Variants in SPEG observed in about 807,000 individuals in gnomAD.
SPEG encodes striated muscle enriched protein kinase.
Under a neutral mutation model 300.4 loss-of-function variants are expected in SPEG, and 114 were observed. The observed-to-expected ratio is 0.38, with a 90% confidence interval of 0.33 to 0.44. The LOEUF (loss-of-function observed/expected upper bound fraction) is 0.44, where lower values mean the gene tolerates loss of function less well. Ranked by LOEUF, SPEG falls within the 20% of genes least tolerant of loss-of-function variation. The pLI is 1.00. For synonymous variants in SPEG, 1,964 were observed against 2,018.9 expected (o/e 0.97, Z 0.73); for missense variants, 4,201 against 4,586.2 (o/e 0.92, Z 2.43).
chr2:219,444,137 C>T lies in SPEG; in HGVS notation c.389-516C>T, dbSNP rs1229930876. 29 of 1,092,292 alleles carry T rather than the reference C, an allele frequency of 2.7e-5. 2 individuals carry two copies. In the South Asian group the frequency reaches 3.6e-4, roughly 14 times the overall value. 67.7% of individuals were successfully genotyped at this position (1,092,292 alleles called of 1,614,324 possible). On this transcript the variant is annotated intron_variant, in intron 1 of 40. Coordinates refer to ENST00000312358, the MANE Select transcript of SPEG (RefSeq NM_005876.5). The surrounding 1 kb of genome is among the most constrained non-coding windows in gnomAD (Gnocchi z 7.8). ...GCCCCGGCCTCTCCTCACCCTGCCT[C>T]AGCTGCACCCGATGCCTTGCAGCTG...
At position 219,443,936 on chromosome 2, in the gene SPEG, C is replaced by CAGTCTTGA; in HGVS notation, c.389-717_389-716insAGTCTTGA. On this transcript the variant is annotated intron_variant, in intron 1 of 40. Coordinates refer to ENST00000312358, the MANE Select transcript of SPEG (RefSeq NM_005876.5). This position sits in a 1 kb window ranked among gnomAD's most constrained non-coding sequence, Gnocchi z 4.6. ...CTCTGGGGACTGGGTGCCTCACGCC[C>CAGTCTTGA]CTTCTGTCTTGACTGCCCTCCATGC... The CAGTCTTGA allele has an allele frequency of 9.1e-7, 1 of 1,094,286 alleles. No individual in the cohort carries two copies. Among genetic ancestry groups the CAGTCTTGA allele is most frequent in the South Asian group, 1.3e-5 (1 of 77,508 alleles). 67.8% of individuals were successfully genotyped at this position (1,094,286 alleles called of 1,614,324 possible). A position where few individuals can be genotyped will look rare whatever the true frequency, so the allele number is the denominator to read the frequency against.
At position 219,451,514 on chromosome 2, in the gene SPEG, G is replaced by A; in HGVS notation, c.2258-111G>A. On this transcript the variant is annotated intron_variant, in intron 5 of 40. Transcript: ENST00000312358. This position sits in a 1 kb window ranked among gnomAD's most constrained non-coding sequence, Gnocchi z 6.4. ...AGGGCGGACTCTTCCAGATTCCCTG[G>A]GGTGCTGAGAGGAGAGGTTTGGTCT... The A allele has an allele frequency of 8.2e-7, 1 of 1,218,528 alleles. No individual in the cohort carries two copies. The highest frequency in any genetic ancestry group is 3.1e-5 in the Admixed American group (1 of 32,536). 75.5% of individuals were successfully genotyped at this position (1,218,528 alleles called of 1,614,324 possible). A position where few individuals can be genotyped will look rare whatever the true frequency, so the allele number is the denominator to read the frequency against.
rs912091744 is a variant in SPEG, at chr2:219,479,397, A to T, written c.5085+196A>T. ...CCCCCATCTATCTGAGACTTGTGCT[A>T]TTCTCTCTAAATCTCAGCAAACCCA... On this transcript the variant is annotated intron_variant, in intron 23 of 40. Coordinates refer to ENST00000312358, the MANE Select transcript of SPEG (RefSeq NM_005876.5). This position sits in a 1 kb window ranked among gnomAD's most constrained non-coding sequence, Gnocchi z 5.5. 2.0e-5 allele frequency among the ~76,000 whole-genome samples: 3 copies of T among 152,120 alleles called. No homozygotes were observed. The highest frequency in any genetic ancestry group is 4.4e-5 in the Non-Finnish European group (3 of 68,036).
intron 9 of SPEG, chr2:219,466,108 C>T (rs1364087437): frequency 4.4e-6 from 7 of 1,591,070 alleles, no homozygotes; most frequent in Non-Finnish European, 4.3e-6. Context: ...CTCCGAGCCG[C>T]GCCCCTGTCT....
At chr2:219,454,222 T>C (rs1041433302) in intron 6 of SPEG, among the ~76,000 whole-genome samples, 1 of 152,190 alleles carries the variant, frequency 6.6e-6, no homozygotes, top group African/African-American at 2.4e-5. Flanking sequence ...AATGGATAAC[T>C]AGAGAATGCG....
At position 219,459,743 on chromosome 2, in the gene SPEG, CGG is replaced by C. The variant is rs1559381376; in HGVS notation, c.2441-2138_2441-2137del. Among the ~76,000 whole-genome samples, 1 of 152,196 alleles carries C rather than the reference CGG, an allele frequency of 6.6e-6. No individual in the cohort carries two copies. Among genetic ancestry groups the C allele is most frequent in the African/African-American group, 2.4e-5 (1 of 41,460 alleles). On this transcript the variant is annotated intron_variant, in intron 6 of 40. Transcript: ENST00000312358. The surrounding 1 kb of genome is among the most constrained non-coding windows in gnomAD (Gnocchi z 4.9). ...ATAGAGGGGTAGGACCGCCCACCTG[CGG>C]AGCCATGCCTGTGATCTCAGCATCA...
Position 219,451,669 on chromosome 2 carries a change from C to A in SPEG, c.2302C>A (p.Leu768Ile). 1 of 1,587,816 alleles carries A rather than the reference C, an allele frequency of 6.3e-7. No individual in the cohort carries two copies. Among genetic ancestry groups the A allele is most frequent in the Non-Finnish European group, 8.6e-7 (1 of 1,168,990 alleles). The change falls in exon 6 of 41, where the codon CTC (leucine) becomes ATC (isoleucine). Residue 768 changes from leucine (L) to isoleucine (I), a missense_variant. Leu to Ile is a conservative substitution (Grantham distance 5). Coordinates refer to ENST00000312358, the MANE Select transcript of SPEG (RefSeq NM_005876.5). This position sits in a 1 kb window ranked among gnomAD's most constrained non-coding sequence, Gnocchi z 6.4. ...DGSALRSEGRLLLRAEGERHT... is the reference protein window; with the variant it reads ...DGSALRSEGRILLRAEGERHT... ...GTCAGCGCTGCGCAGCGAGGGCCGCCTCCTCCTCCGGGCTGAGGGTGAGCG... is the reference window on the plus strand; with the variant it reads ...GTCAGCGCTGCGCAGCGAGGGCCGCATCCTCCTCCGGGCTGAGGGTGAGCG...
chr2:219,438,828 G>A (rs1954784446), intron 1 of SPEG, among the ~76,000 whole-genome samples: 1 of 152,232 alleles, frequency 6.6e-6, no homozygotes, highest in Non-Finnish European at 1.5e-5. Flanking sequence ...CAAAGGCTTG[G>A]AGAGGAGAGC....
chr2:219,489,401 C>G lies in SPEG; in HGVS notation c.8383C>G (p.Arg2795Gly), dbSNP rs779953745. Residue 2795 changes from arginine to glycine, a missense_variant, in exon 36 of 41, where the codon CGG (arginine) becomes GGG (glycine). By Grantham distance (125) the Arg-to-Gly change is moderately radical (BLOSUM62 -2). Around this residue, in one of 4 missense-constraint regions of SPEG, gnomAD observed 1,578 missense variants for 1,506.0 expected, o/e 1.05. Transcript: ENST00000312358. ...APVTSRPARARPPDSPTSLAP... is the reference protein window; with the variant it reads ...APVTSRPARAGPPDSPTSLAP... Reference sequence around the variant, plus strand: ...TGTCACCTCAAGGCCAGCCAGGGCCCGGCCTCCTGACTCTCCTACCTCACT... The same window carrying G: ...TGTCACCTCAAGGCCAGCCAGGGCCGGGCCTCCTGACTCTCCTACCTCACT... 1.2e-6 allele frequency: 2 copies of G among 1,613,508 alleles called. No homozygotes were observed. The highest frequency in any genetic ancestry group is 1.1e-5 in the South Asian group (1 of 91,050).
rs759341758 is a variant in SPEG, at chr2:219,477,271, C to T, written c.4561-6C>T. 1.2e-6 allele frequency: 2 copies of T among 1,607,314 alleles called. No individual in the cohort carries two copies. The highest frequency in any genetic ancestry group is 2.7e-5 in the African/African-American group (2 of 74,812). ...CCCAGGCTGAAGGTGAGACCCCACT[C>T]TGCAGGACGAGGTGCTGCTGACCGA... On this transcript the variant is annotated splice_polypyrimidine_tract_variant and splice_region_variant and intron_variant, in intron 19 of 40. Coordinates refer to ENST00000312358, the MANE Select transcript of SPEG (RefSeq NM_005876.5). The surrounding 1 kb of genome is among the most constrained non-coding windows in gnomAD (Gnocchi z 6.4).
Position 219,461,145 on chromosome 2 carries a change from C to T in SPEG, c.2441-737C>T, listed in dbSNP as rs968253469. The T allele has an allele frequency of 1.7e-5, 16 of 915,968 alleles. No homozygotes were observed. In the African/African-American group the frequency reaches 2.3e-4, roughly 13 times the overall value. The allele number at this position is 915,968 out of a possible 1,614,324, so 56.7% of individuals were successfully genotyped here. A position where few individuals can be genotyped will look rare whatever the true frequency, so the allele number is the denominator to read the frequency against. On this transcript the variant is annotated intron_variant, in intron 6 of 40. Coordinates refer to ENST00000312358, the MANE Select transcript of SPEG (RefSeq NM_005876.5). ...GACCCTGGCCAGTTGCAGGGGAGGG[C>T]GTCAGGGCCCTGGGGACACCCCTCC...
rs1198421604 is a variant in SPEG, at chr2:219,477,560, C to G, written c.4729+115C>G. 2 of 1,372,020 alleles carry G rather than the reference C, an allele frequency of 1.5e-6. No homozygotes were observed. Among genetic ancestry groups the G allele is most frequent in the Admixed American group, 4.9e-5 (2 of 40,660 alleles). 85.0% of individuals were successfully genotyped at this position (1,372,020 alleles called of 1,614,324 possible). On this transcript the variant is annotated intron_variant, in intron 20 of 40. Coordinates refer to ENST00000312358, the MANE Select transcript of SPEG (RefSeq NM_005876.5). The surrounding 1 kb of genome is among the most constrained non-coding windows in gnomAD (Gnocchi z 6.4). ...GGACTCGAGCCACCACACCCCCAGC[C>G]CAGCACCCCGCCTTGAGCCCCCAAC... is the stretch of plus-strand genomic sequence containing the variant.
Position 219,459,424 on chromosome 2 carries a change from C to G in SPEG, c.2441-2458C>G, listed in dbSNP as rs1009446864. On this transcript the variant is annotated intron_variant, in intron 6 of 40. Transcript: ENST00000312358. The surrounding 1 kb of genome is among the most constrained non-coding windows in gnomAD (Gnocchi z 4.9). ...GCCTCAGGAATCCTCGATCAGCTTC[C>G]TTGGTCACTCACTTTTGGAGGTATG... is the stretch of plus-strand genomic sequence containing the variant. 1.3e-5 allele frequency among the ~76,000 whole-genome samples: 2 copies of G among 152,182 alleles called. No homozygotes were observed. The highest frequency in any genetic ancestry group is 4.8e-5 in the African/African-American group (2 of 41,450).
In SPEG at chr2:219,448,851, G is replaced by A. The variant is rs1368201631; in HGVS notation, c.1693G>A (p.Gly565Arg). The A allele has an allele frequency of 5.0e-5, 70 of 1,402,000 alleles. No homozygotes were observed. The highest frequency in any genetic ancestry group is 6.5e-5 in the Admixed American group (2 of 30,598). The allele number at this position is 1,402,000 out of a possible 1,614,324, so 86.8% of individuals were successfully genotyped here. ...CTCTCCGAGCAGCGCGGAGAAGCCG[G>A]GGGACGAGCCTGGGAGGCCCAGGAG... ...PPSPSSAEKP[G>R]DEPGRPRSRG... Residue 565 changes from glycine to arginine, a missense_variant, in exon 4 of 41, where the codon GGG becomes AGG. This residue lies in a region of SPEG where 1,258 missense variants were observed against 1,293.9 expected (regional missense o/e 0.97). Transcript: ENST00000312358.
rs997790119 is a variant in SPEG, at chr2:219,492,662, G to A, written c.9680G>A (p.Arg3227His). ...CAGGACGCCTACCTGATGAAGCTGC[G>A]CCGCCAGACGCTCACCTTCACCACC... ...WLQDAYLMKL[R>H]RQTLTFTTNR... Residue 3227 changes from arginine to histidine, a missense_variant, in exon 41 of 41, where the codon CGC (arginine) becomes CAC (histidine). By Grantham distance (29) the Arg-to-His change is conservative. Transcript: ENST00000312358. 9 of 1,610,768 alleles carry A rather than the reference G, an allele frequency of 5.6e-6. No homozygotes were observed. The highest frequency in any genetic ancestry group is 2.2e-5 in the East Asian group (1 of 44,890).
In SPEG at chr2:219,484,783, G is replaced by C. The variant is rs754980175; in HGVS notation, c.7320G>C (p.Glu2440Asp). The C allele has an allele frequency of 3.5e-4, 507 of 1,468,698 alleles. 1 individual carries two copies. The highest frequency in any genetic ancestry group is 6.6e-5 in the Non-Finnish European group (74 of 1,121,060). The allele number at this position is 1,468,698 out of a possible 1,614,324, so 91.0% of individuals were successfully genotyped here. A position where few individuals can be genotyped will look rare whatever the true frequency, so the allele number is the denominator to read the frequency against. The change falls in exon 30 of 41, where the codon GAG becomes GAC. Residue 2440 changes from glutamate to aspartate, a missense_variant. By Grantham distance (45) the Glu-to-Asp change is conservative. Coordinates refer to ENST00000312358, the MANE Select transcript of SPEG (RefSeq NM_005876.5). Reference protein sequence around the residue: ...EARGGDGESSEGGSSARGSPV... With the variant: ...EARGGDGESSDGGSSARGSPV... ...GCGGCGGGGACGGAGAGAGCTCGGAGGGCGGGAGCTCGGCGCGGGGCTCCC... is the reference window on the plus strand; with the variant it reads ...GCGGCGGGGACGGAGAGAGCTCGGACGGCGGGAGCTCGGCGCGGGGCTCCC...
At chr2:219,447,549 C>T (rs1266494087) in intron 3 of SPEG, among the ~76,000 whole-genome samples, 1 of 151,868 alleles carries the variant, frequency 6.6e-6, no homozygotes, top group Non-Finnish European at 1.5e-5. Context: ...CAGCTGGGGG[C>T]TGGAATGAGT....
In SPEG at chr2:219,469,304, C is replaced by T. The variant is rs1206175298; in HGVS notation, c.3640C>T (p.Leu1214=). 1.2e-6 allele frequency: 2 copies of T among 1,613,982 alleles called. No homozygotes were observed. Among genetic ancestry groups the T allele is most frequent in the Non-Finnish European group, 1.7e-6 (2 of 1,180,000 alleles). ...EAMLECQVTG[L]PYPTISWFHN... The stretch of plus-strand genomic sequence containing the variant: ...CATGCTAGAGTGCCAGGTGACCGGC[C>T]TGCCCTACCCCACCATCAGCTGGTT... Residue 1214 remains leucine (L), a synonymous_variant, in exon 13 of 41, where the codon CTG becomes TTG. Transcript: ENST00000312358.
rs1693775641 is a variant in SPEG, at chr2:219,489,565, C to T, written c.8547C>T (p.His2849=). Residue 2849 remains histidine, a synonymous_variant, in exon 36 of 41, where the codon CAC becomes CAT. Coordinates refer to ENST00000312358, the MANE Select transcript of SPEG (RefSeq NM_005876.5). ...GPPPQTPPRR[H]RGLQAARPAE... is the part of the protein sequence containing the mutation. ...CACCCCAAACCCCTCCACGAAGACA[C>T]AGGGGCCTGCAGGCTGCCCGGCCAG... The T allele has an allele frequency of 3.1e-6, 5 of 1,613,526 alleles. No individual in the cohort carries two copies. The highest frequency in any genetic ancestry group is 4.2e-6 in the Non-Finnish European group (5 of 1,179,862).
Sources: gnomAD v4.1 joint callset for allele counts (sites outside exome capture counted in the v4.1 genomes callset) on GRCh38, gnomAD v4.1.1 for gene constraint, gnomAD v4.1.1 regional missense constraint, Gnocchi (gnomAD v3.1) non-coding constraint, MANE v1.5 for transcripts, NCBI Gene and HGNC (gene_info 2026-07-23, HGNC 2026-07-21) for gene names.